Variants in ARMC2 observed in about 807,000 individuals in gnomAD.
The protein encoded by ARMC2 is armadillo repeat containing 2, also known as armadillo repeat-containing protein 2.
In ARMC2, 67 loss-of-function variants were observed where a neutral mutation model predicts 90.3. The ratio of observed to expected loss-of-function variants is 0.74; its 90% CI spans 0.61 to 0.91. ARMC2 has a LOEUF of 0.91. Ranked by LOEUF, ARMC2 falls within the 40% of genes least tolerant of loss-of-function variation. The pLI, the probability that ARMC2 is intolerant of heterozygous loss-of-function variation, is 0.00. For synonymous variants in ARMC2, 393 were observed against 393.0 expected (o/e 1.00, Z 0.00); for missense variants, 920 against 1,030.9 (o/e 0.89, Z 1.47).
chr6:108,929,578 C>G (rs1030817259), intron 11 of ARMC2, among the ~76,000 whole-genome samples: 1 of 152,160 alleles, frequency 6.6e-6, no homozygotes, highest in Non-Finnish European at 1.5e-5. Flanking sequence ...CAGGCTTAAA[C>G]GATCGATCCT....
chr6:108,951,699 CG>C (rs1777189828), intron 12 of ARMC2, among the ~76,000 whole-genome samples: 2 of 152,212 alleles, frequency 1.3e-5, no homozygotes, highest in African/African-American at 2.4e-5. Flanking sequence ...TGGCCACACC[CG>C]ACGCCCCTCA....
At chr6:108,993,753 G>GT in the ARMC2 span, among the ~76,000 whole-genome samples, 1,206 of 151,968 alleles carry the variant, frequency 7.9e-3, 21 homozygotes, top group African/African-American at 0.028. Flanking sequence ...TTTTGTTGTT[G>GT]TTTTTTTAGA....
At chr6:109,048,581 G>C in the ARMC2 span, among the ~76,000 whole-genome samples, 1 of 152,156 alleles carries the variant, frequency 6.6e-6, no homozygotes, top group African/African-American at 2.4e-5. Flanking sequence ...CCTCTGAGAG[G>C]AGTGAACTCC....
chr6:108,849,736 A>G (rs1051268977), intron 1 of ARMC2, among the ~76,000 whole-genome samples: 1 of 152,262 alleles, frequency 6.6e-6, no homozygotes, highest in Non-Finnish European at 1.5e-5. Flanking sequence ...CGCACTTTAC[A>G]TGTATTATAT....
chr6:108,897,302 T>C (rs117440458), intron 6 of ARMC2, among the ~76,000 whole-genome samples: 2 of 152,356 alleles, frequency 1.3e-5, no homozygotes, highest in Non-Finnish European at 2.9e-5. Context: ...CATATGTTCC[T>C]GCATCCCACA....
At chr6:108,885,491 C>G (rs536983784) in intron 5 of ARMC2, among the ~76,000 whole-genome samples, 1 of 152,072 alleles carries the variant, frequency 6.6e-6, no homozygotes, top group South Asian at 2.1e-4. Context: ...GAATTCAAGA[C>G]CAGCATGCCC....
At chr6:109,013,546 T>C in the ARMC2 span, among the ~76,000 whole-genome samples, 79 of 152,322 alleles carry the variant, frequency 5.2e-4, no homozygotes, top group African/African-American at 1.9e-3. Context: ...GGAATAGATA[T>C]ATTTTAGTAG....
intron 12 of ARMC2, among the ~76,000 whole-genome samples, chr6:108,942,596 T>A (rs886359450): frequency 1.3e-5 from 2 of 152,112 alleles, no homozygotes; most frequent in East Asian, 3.9e-4. Flanking sequence ...AATTATTACT[T>A]CCTATAATTA....
At chr6:108,856,559 C>G in intron 2 of ARMC2, 1 of 222,682 alleles carries the variant, frequency 4.5e-6, no homozygotes, top group South Asian at 7.2e-5. Flanking sequence ...ATTTGACATA[C>G]ACAGGCTCAT....
chr6:108,971,463 G>T (rs1342465068), intron 17 of ARMC2, among the ~76,000 whole-genome samples: 1 of 152,124 alleles, frequency 6.6e-6, no homozygotes, highest in Non-Finnish European at 1.5e-5. Flanking sequence ...ATGAGAGGAA[G>T]GTACAAACTG....
At chr6:108,904,658 AAAG>A (rs1320779278) in intron 8 of ARMC2, among the ~76,000 whole-genome samples, 37 of 147,762 alleles carry the variant, frequency 2.5e-4, no homozygotes, top group South Asian at 1.4e-3. Context: ...AAAAAAAAAA[AAAG>A]AAGAAGAAGA....
At chr6:108,963,204 G>A (rs1443759366) in intron 15 of ARMC2, among the ~76,000 whole-genome samples, 1 of 152,048 alleles carries the variant, frequency 6.6e-6, no homozygotes, top group Non-Finnish European at 1.5e-5. Context: ...TATACCCTTT[G>A]TATGTCTCAA....
chr6:108,987,806 CTTTTTT>C, the ARMC2 span, among the ~76,000 whole-genome samples: 1 of 135,578 alleles, frequency 7.4e-6, no homozygotes, highest in Admixed American at 7.4e-5. Context: ...CAGCAGCTAT[CTTTTTT>C]TTTTTTTTTT....
chr6:108,972,638 A>G (rs915092778), intron 17 of ARMC2, among the ~76,000 whole-genome samples: 3 of 152,170 alleles, frequency 2.0e-5, no homozygotes, highest in Non-Finnish European at 4.4e-5. Flanking sequence ...CTAAGGAATT[A>G]GTTGAAATAA....
At chr6:108,990,628 A>G in the ARMC2 span, 7 of 1,612,360 alleles carry the variant, frequency 4.3e-6, no homozygotes, top group African/African-American at 1.3e-5. Context: ...CTTTATAAAC[A>G]CAGAAAGAAG....
intron 4 of ARMC2, among the ~76,000 whole-genome samples, chr6:108,873,220 ATTG>A (rs1455265357): frequency 6.6e-6 from 1 of 152,124 alleles, no homozygotes; most frequent in South Asian, 2.1e-4. Flanking sequence ...GTCACAAAAT[ATTG>A]TTCTTTCTTT....
At position 108,953,217 on chromosome 6, in the gene ARMC2, A is replaced by T; in HGVS notation, c.1781A>T (p.Gln594Leu). The change falls in exon 13 of 18, where the codon CAG (glutamine) becomes CTG (leucine). Residue 594 changes from glutamine to leucine, a missense_variant. Physicochemically the swap from Gln to Leu is moderately radical, Grantham distance 113 (BLOSUM62 -2). Transcript: ENST00000392644. ...CAACGAGGCGAGCAGCACAGGGCGC[A>T]GAGGCCGCCGTCAGAGGCAGAGGAC... ...VGQRGEQHRAQRPPSEAEDVL... is the reference protein window; with the variant it reads ...VGQRGEQHRALRPPSEAEDVL... The T allele has an allele frequency of 6.2e-7, 1 of 1,614,012 alleles. No homozygotes were observed. The highest frequency in any genetic ancestry group is 8.5e-7 in the Non-Finnish European group (1 of 1,179,904).
intron 15 of ARMC2, 110 bp from the exon 16 acceptor site, chr6:108,964,070 G>A (rs1387060372): frequency 2.5e-6 from 3 of 1,183,406 alleles, no homozygotes; most frequent in African/African-American, 3.1e-5. Flanking sequence ...CCCTTAACAG[G>A]GGTTCTGGGT....
At chr6:108,850,748 A>C (rs1171724354) in intron 1 of ARMC2, among the ~76,000 whole-genome samples, 1 of 152,194 alleles carries the variant, frequency 6.6e-6, no homozygotes, top group Non-Finnish European at 1.5e-5. Context: ...GAGTCTAGTG[A>C]TTACGTAAGT....
Sources: allele counts gnomAD v4.1 joint callset (sites outside exome capture counted in the v4.1 genomes callset), GRCh38; gene constraint gnomAD v4.1.1; transcripts MANE v1.5; gene names NCBI Gene and HGNC (gene_info 2026-07-23, HGNC 2026-07-21).